The following MAGI2 variants were observed in gnomAD, a reference collection of about 807,000 sequenced individuals.
MAGI2 encodes the protein membrane associated guanylate kinase, WW and PDZ domain containing 2, also known as membrane-associated guanylate kinase, WW and PDZ domain-containing protein 2.
MAGI2 carries 35 observed loss-of-function variants against 133.3 expected under a neutral mutation model. The ratio of observed to expected loss-of-function variants is 0.26; its 90% CI spans 0.20 to 0.35. The LOEUF (loss-of-function observed/expected upper bound fraction) is 0.35, where lower values mean the gene tolerates loss of function less well. Ranked by LOEUF, MAGI2 falls within the 10% of genes least tolerant of loss-of-function variation. MAGI2 has a pLI of 1.00. For missense variants in MAGI2, 1,636 were observed against 1,863.4 expected (o/e 0.88, Z 2.25); for synonymous variants, 729 against 710.6 (o/e 1.03, Z -0.41).
At chr7:78,445,753 G>A (rs1788069074) in intron 6 of MAGI2, among the ~76,000 whole-genome samples, 1 of 151,846 alleles carries the variant, frequency 6.6e-6, no homozygotes, top group South Asian at 2.1e-4. Flanking sequence ...AAGCTTAAAT[G>A]TGACAATTTC....
At position 78,414,572 on chromosome 7, in the gene MAGI2, T is replaced by C. The variant is rs147217781; in HGVS notation, c.1046-45359A>G. Among the ~76,000 whole-genome samples, 360 of 152,156 alleles carry C rather than the reference T, an allele frequency of 2.4e-3. 1 individual carries two copies. Among genetic ancestry groups the C allele is most frequent in the African/African-American group, 8.4e-3 (348 of 41,536 alleles). Reference sequence around the variant, plus strand: ...TTTAAAAGACCAAGAGAGGGGACAATAGAAATAAAACATTAGATTTTTTTT... The same window carrying C: ...TTTAAAAGACCAAGAGAGGGGACAACAGAAATAAAACATTAGATTTTTTTT... On this transcript the variant is annotated intron_variant, in intron 6 of 21. Transcript: ENST00000354212.
chr7:78,531,290 T>G (rs1273177220), intron 3 of MAGI2, among the ~76,000 whole-genome samples: 8 of 151,138 alleles, frequency 5.3e-5, no homozygotes, highest in Non-Finnish European at 1.0e-4. Context: ...CTTGGCTCAC[T>G]GCAATCTCTG....
At chr7:78,533,809 T>C (rs1797664464) in intron 3 of MAGI2, among the ~76,000 whole-genome samples, 1 of 152,198 alleles carries the variant, frequency 6.6e-6, no homozygotes, top group Admixed American at 6.5e-5. Flanking sequence ...AGTCAACTAC[T>C]AGTAAGTAAT....
chr7:79,231,867 G>A (rs1022828819), intron 1 of MAGI2, among the ~76,000 whole-genome samples: 1 of 151,694 alleles, frequency 6.6e-6, no homozygotes, highest in Non-Finnish European at 1.5e-5. Flanking sequence ...TCCCTGTCTT[G>A]TGCCAGTTTT....
chr7:79,051,033 C>T (rs1191492137), intron 1 of MAGI2, among the ~76,000 whole-genome samples: 1 of 152,198 alleles, frequency 6.6e-6, no homozygotes, highest in Non-Finnish European at 1.5e-5. Flanking sequence ...AACAAAGTCA[C>T]TGTGCCATTC....
At chr7:78,337,334 G>A (rs564948970) in intron 9 of MAGI2, among the ~76,000 whole-genome samples, 1 of 152,266 alleles carries the variant, frequency 6.6e-6, no homozygotes, top group East Asian at 1.9e-4. Flanking sequence ...ATAAGCAGCT[G>A]TTGTCAAAAA....
At chr7:78,993,247 A>C (rs930792995) in intron 2 of MAGI2, among the ~76,000 whole-genome samples, 1 of 152,090 alleles carries the variant, frequency 6.6e-6, no homozygotes, top group Non-Finnish European at 1.5e-5. Flanking sequence ...ATAAGTAGAA[A>C]AGTAAAAACA....
At chr7:78,880,437 G>A (rs487342) in intron 2 of MAGI2, among the ~76,000 whole-genome samples, 92,834 of 151,938 alleles carry the variant, frequency 0.61, 29,680 homozygotes, top group Middle Eastern at 0.75. Context: ...TTATTAAAGA[G>A]AAGAAATTCC....
At chr7:79,316,153 T>G (rs976019464) in intron 1 of MAGI2, among the ~76,000 whole-genome samples, 1 of 152,082 alleles carries the variant, frequency 6.6e-6, no homozygotes, top group Non-Finnish European at 1.5e-5. Context: ...TTGAGGGCAA[T>G]GTATGGTAGT....
intron 1 of MAGI2, among the ~76,000 whole-genome samples, chr7:79,404,845 G>A (rs1033469508): frequency 1.2e-4 from 18 of 152,074 alleles, no homozygotes; most frequent in African/African-American, 4.3e-4. Flanking sequence ...ATTTTCCTTA[G>A]GTCCACCTTC....
At chr7:78,164,602 A>C (rs1825434461) in intron 15 of MAGI2, among the ~76,000 whole-genome samples, 1 of 152,256 alleles carries the variant, frequency 6.6e-6, no homozygotes, top group Non-Finnish European at 1.5e-5. Context: ...CACCAGGATC[A>C]GGGAACGTAC....
chr7:79,361,571 T>C (rs1035588204), intron 1 of MAGI2, among the ~76,000 whole-genome samples: 2 of 152,128 alleles, frequency 1.3e-5, no homozygotes, highest in South Asian at 4.1e-4. Flanking sequence ...AACATATCTA[T>C]GGAGGAAGAC....
chr7:79,275,967 T>C (rs966332401), intron 1 of MAGI2, among the ~76,000 whole-genome samples: 1 of 152,176 alleles, frequency 6.6e-6, no homozygotes, highest in Non-Finnish European at 1.5e-5. Flanking sequence ...ACAATGCACC[T>C]GGTCACCCAA....
At chr7:78,458,872 G>T (rs1403888928) in intron 6 of MAGI2, among the ~76,000 whole-genome samples, 1 of 152,172 alleles carries the variant, frequency 6.6e-6, no homozygotes, top group Non-Finnish European at 1.5e-5. Context: ...CTGACCTCGT[G>T]ATCCGCCCGC....
chr7:78,059,387 C>A (rs1342486985), intron 21 of MAGI2, among the ~76,000 whole-genome samples: 2 of 152,226 alleles, frequency 1.3e-5, no homozygotes, highest in Non-Finnish European at 2.9e-5. Context: ...CTTTCTGTGC[C>A]TTCTCATTGT....
chr7:79,254,270 A>G (rs916192476), intron 1 of MAGI2, among the ~76,000 whole-genome samples: 4 of 151,442 alleles, frequency 2.6e-5, no homozygotes, highest in Non-Finnish European at 5.9e-5. Context: ...AAAATAAATT[A>G]ATTCTCTATC....
At chr7:79,252,030 A>G (rs1292738086) in intron 1 of MAGI2, among the ~76,000 whole-genome samples, 3 of 151,640 alleles carry the variant, frequency 2.0e-5, no homozygotes, top group Admixed American at 6.6e-5. Context: ...GGTAGCCCAC[A>G]CCTATGGTTC....
chr7:78,592,826 CTCTTT>C (rs1333632089), intron 3 of MAGI2, among the ~76,000 whole-genome samples: 7 of 77,076 alleles, frequency 9.1e-5, no homozygotes, highest in Admixed American at 3.1e-4. Context: ...ATTACTGATT[CTCTTT>C]TTTTTTTTTT....
chr7:78,591,377 A>G (rs1436378139), intron 3 of MAGI2, among the ~76,000 whole-genome samples: 2 of 152,230 alleles, frequency 1.3e-5, no homozygotes, highest in Admixed American at 1.3e-4. Flanking sequence ...AAATTGATGC[A>G]GTGGTATCTA....
Sources: allele counts gnomAD v4.1 joint callset (sites outside exome capture counted in the v4.1 genomes callset), GRCh38; gene constraint gnomAD v4.1.1; transcripts MANE v1.5; gene names NCBI Gene and HGNC (gene_info 2026-07-23, HGNC 2026-07-21).